Variants in TMED3 observed in about 807,000 individuals in gnomAD.
TMED3 encodes the protein transmembrane emp24 domain-containing protein 3.
A neutral mutation model predicts 15.0 loss-of-function variants in TMED3; 9 were observed. The ratio of observed to expected loss-of-function variants is 0.60; its 90% confidence interval spans 0.36 to 1.04. The LOEUF is 1.04. Ranked by LOEUF, TMED3 falls within the 50% of genes least tolerant of loss-of-function variation. The probability of loss-of-function intolerance (pLI) is 0.01; values close to 1 mark genes in which losing one functional copy is unlikely to be tolerated. For missense variants in TMED3, 267 were observed against 278.9 expected, an observed-to-expected ratio of 0.96 and a Z score of 0.30; for synonymous variants, 117 against 121.4, an observed-to-expected ratio of 0.96 and a Z score of 0.24.
At chr15:79,361,510 A>G (rs538108178) in intron 2 of TMED3, among the ~76,000 whole-genome samples, 10 of 152,278 alleles carry the variant, frequency 6.6e-5, no homozygotes, top group Non-Finnish European at 1.2e-4. Context: ...GAGCTAAGCT[A>G]TGAGGACGCA....
rs78592013 is a variant in TMED3 at position 79,312,985 on chromosome 15, C to T, written c.169-772C>T. ...CCCAGGGGGTTAGTTTGCAGTCTGA[C>T]GATTGTCCAGTAATTGGCTGGCACT... On this transcript the variant is annotated intron_variant, in intron 1 of 2. Coordinates refer to ENST00000299705, the MANE Select transcript of TMED3 (RefSeq NM_007364.4). Among the ~76,000 whole-genome samples, 409 of 152,246 alleles carry T rather than the reference C, an allele frequency of 2.7e-3. 2 individuals are homozygous for T. The highest frequency in any genetic ancestry group is 0.016 in the East Asian group (83 of 5,166).
chr15:79,339,789 AGTG>A (rs746603325), intron 2 of TMED3, among the ~76,000 whole-genome samples: 3 of 150,704 alleles, frequency 2.0e-5, no homozygotes, highest in East Asian at 2.0e-4. Context: ...TGGTGATGGC[AGTG>A]GTGGTGGTGA....
Position 79,322,751 on chromosome 15 carries a change from G to A in TMED3, c.*537G>A. 1 of 985,510 alleles carries A rather than the reference G, an allele frequency of 1.0e-6. No homozygotes were observed. The highest frequency in any genetic ancestry group is 1.1e-4 in the East Asian group (1 of 8,804). The allele number at this position is 985,510 out of a possible 1,614,324, so 61.0% of individuals were successfully genotyped here. A position where few individuals can be genotyped will look rare whatever the true frequency, so the allele number is the denominator to read the frequency against. ...GTCAGCCATGCAAGCAGGACAGAATGGTGACTGGGTGCCCTTGGTGAGCTG... is the reference window on the plus strand; with the variant it reads ...GTCAGCCATGCAAGCAGGACAGAATAGTGACTGGGTGCCCTTGGTGAGCTG... On this transcript the variant is annotated 3_prime_UTR_variant, in exon 3 of 3. Transcript: ENST00000299705.
chr15:79,366,390 G>C (rs1248264483), intron 2 of TMED3, among the ~76,000 whole-genome samples: 1 of 152,126 alleles, frequency 6.6e-6, no homozygotes, highest in East Asian at 1.9e-4. Flanking sequence ...CAACTGCCTT[G>C]GTAAATTCTT....
intron 2 of TMED3, among the ~76,000 whole-genome samples, chr15:79,378,703 G>A (rs1348580148): frequency 6.6e-6 from 1 of 152,146 alleles, no homozygotes; most frequent in Non-Finnish European, 1.5e-5. Context: ...ACATAAAAGG[G>A]GAAGGTTGTT....
At chr15:79,348,278 A>G (rs1037649209) in intron 2 of TMED3, among the ~76,000 whole-genome samples, 13 of 152,176 alleles carry the variant, frequency 8.5e-5, no homozygotes, top group African/African-American at 2.9e-4. Context: ...AAAGGGCAAA[A>G]TGGTGACACT....
At chr15:79,361,723 A>AAT (rs66728984) in intron 2 of TMED3, among the ~76,000 whole-genome samples, 118,981 of 151,984 alleles carry the variant, frequency 0.78, 47,298 homozygotes, top group Middle Eastern at 0.88. Flanking sequence ...ATTAAAAAAA[A>AAT]AAAAATATTT....
downstream of TMED3, among the ~76,000 whole-genome samples, chr15:79,323,112 T>A (rs1005106505): frequency 6.6e-6 from 1 of 152,224 alleles, no homozygotes; most frequent in African/African-American, 2.4e-5. Flanking sequence ...GATATCTGCA[T>A]GCCCTGCTCC....
chr15:79,332,735 TGG>T lies in TMED3; in HGVS notation c.417+18731_417+18732del, dbSNP rs2058814028. 3.9e-5 allele frequency among the ~76,000 whole-genome samples: 6 copies of T among 152,320 alleles called. No homozygotes were observed. In the South Asian group the frequency reaches 1.2e-3, roughly 32 times the overall value. The stretch of plus-strand genomic sequence containing the variant: ...GGACCTACCTGGTTGTGATTTCCCA[TGG>T]ATTAATATCTCCCTCCTGGAGCACA... On this transcript the variant is annotated intron_variant, in intron 2 of 2. Transcript: ENST00000424155.
chr15:79,409,580 C>T (rs1197749877), intron 2 of TMED3, among the ~76,000 whole-genome samples: 2 of 152,066 alleles, frequency 1.3e-5, no homozygotes, highest in African/African-American at 4.8e-5. Flanking sequence ...AAAATAAGGT[C>T]GTTGGAATAG....
chr15:79,346,034 T>C (rs1378931464), intron 2 of TMED3, among the ~76,000 whole-genome samples: 2 of 152,232 alleles, frequency 1.3e-5, no homozygotes, highest in East Asian at 3.8e-4. Flanking sequence ...TTAAGTTCTT[T>C]ATAGATGCTG....
At chr15:79,321,402 T>C (rs1036406318) in intron 2 of TMED3, among the ~76,000 whole-genome samples, 1 of 152,230 alleles carries the variant, frequency 6.6e-6, no homozygotes, top group Non-Finnish European at 1.5e-5. Flanking sequence ...TTTATATATA[T>C]GTGTCTTTGC....
chr15:79,370,729 C>T (rs1170927520), intron 2 of TMED3, among the ~76,000 whole-genome samples: 1 of 152,174 alleles, frequency 6.6e-6, no homozygotes, highest in Admixed American at 6.5e-5. Context: ...TGATATACTG[C>T]TGGAACCTGT....
chr15:79,370,765 C>G (rs187943697), intron 2 of TMED3, among the ~76,000 whole-genome samples: 216 of 152,258 alleles, frequency 1.4e-3, no homozygotes, highest in Middle Eastern at 3.4e-3. Context: ...TCTGTGAGCT[C>G]TTAAATGGGA....
intron 2 of TMED3, among the ~76,000 whole-genome samples, chr15:79,341,643 G>A (rs1023630528): frequency 2.6e-5 from 4 of 152,138 alleles, no homozygotes; most frequent in African/African-American, 4.8e-5. Context: ...ACAGGAATTC[G>A]TTTATTCCCC....
intron 2 of TMED3, among the ~76,000 whole-genome samples, chr15:79,321,268 A>G (rs185590879): frequency 1.1e-4 from 17 of 152,148 alleles, no homozygotes; most frequent in Admixed American, 2.6e-4. Flanking sequence ...AGGGCGGGGG[A>G]CCTTGGTGGT....
Position 79,322,115 on chromosome 15 carries a change from C to T in TMED3, c.555C>T (p.Gly185=), listed in dbSNP as rs765241084. The T allele has an allele frequency of 1.2e-5, 19 of 1,614,086 alleles. No individual in the cohort carries two copies. The highest frequency in any genetic ancestry group is 6.7e-5 in the Admixed American group (4 of 60,000). Residue 185 remains glycine (G), a synonymous_variant, in exon 3 of 3, where the codon GGC becomes GGT. Transcript: ENST00000299705. ...LNSRVSYWSV[G]ETIALFVVSF... ...GCCGAGTCTCTTACTGGTCTGTTGG[C>T]GAGACGATTGCCCTGTTCGTGGTCA...
chr15:79,408,696 T>C (rs765914166), intron 2 of TMED3, among the ~76,000 whole-genome samples: 4 of 152,166 alleles, frequency 2.6e-5, no homozygotes, highest in Non-Finnish European at 4.4e-5. Context: ...CTGTGCTGTG[T>C]GGCTTTGCAT....
intron 2 of TMED3, among the ~76,000 whole-genome samples, chr15:79,395,831 A>G (rs1219417049): frequency 2.0e-4 from 30 of 152,212 alleles, no homozygotes; most frequent in Admixed American, 2.0e-3. Context: ...AACATTTTAA[A>G]CGTTCTTATT....
Sources: gnomAD v4.1 joint callset for allele counts (sites outside exome capture counted in the v4.1 genomes callset) on GRCh38, gnomAD v4.1.1 for gene constraint, MANE v1.5 for transcripts, NCBI Gene and HGNC (gene_info 2026-07-23, HGNC 2026-07-21) for gene names.